Variants in GNAL observed in about 807,000 individuals in gnomAD.
GNAL encodes guanine nucleotide-binding protein G(olf) subunit alpha.
Under a neutral mutation model 55.1 loss-of-function variants are expected in GNAL, and 18 were observed. The ratio of observed to expected loss-of-function variants is 0.33; its 90% CI spans 0.23 to 0.48. The LOEUF is 0.48. GNAL is among the 20% of genes least tolerant of loss of function. GNAL has a pLI of 0.99. For missense variants in GNAL, 412 were observed against 614.1 expected (o/e 0.67, Z 3.48); for synonymous variants, 253 against 237.0 (o/e 1.07, Z -0.62).
At chr18:11,744,853 G>A (rs575956761) in intron 1 of GNAL, among the ~76,000 whole-genome samples, 115 of 152,314 alleles carry the variant, frequency 7.6e-4, no homozygotes, top group African/African-American at 2.8e-3. Context: ...TGGGACTACA[G>A]GTGCATCCCA....
At chr18:11,845,014 T>C (rs931731693) in intron 5 of GNAL, among the ~76,000 whole-genome samples, 20 of 152,006 alleles carry the variant, frequency 1.3e-4, no homozygotes, top group Non-Finnish European at 2.6e-4. Context: ...TACAGGCATG[T>C]GCCACCACAC....
Sources: allele counts gnomAD v4.1 joint callset (sites outside exome capture counted in the v4.1 genomes callset), GRCh38; gene constraint gnomAD v4.1.1; transcripts MANE v1.5; gene names NCBI Gene and HGNC (gene_info 2026-07-23, HGNC 2026-07-21).